Variants in CREB5 observed in about 807,000 individuals in gnomAD.
CREB5 encodes the protein cAMP responsive element binding protein 5.
In CREB5, 19 loss-of-function variants were observed where a neutral mutation model predicts 57.1. That is an observed-to-expected ratio of 0.33 (90% CI 0.23 to 0.49). The LOEUF (loss-of-function observed/expected upper bound fraction) is 0.49, where lower values mean the gene tolerates loss of function less well. Ranked by LOEUF, CREB5 falls within the 20% of genes least tolerant of loss-of-function variation. CREB5 has a pLI of 0.99. For synonymous variants in CREB5, 238 were observed against 238.3 expected, an observed-to-expected ratio of 1.00 and a Z score of 0.01; for missense variants, 579 against 671.6, an observed-to-expected ratio of 0.86 and a Z score of 1.52.
At chr7:28,302,457 T>C (rs1304292628) in intron 1 of CREB5, among the ~76,000 whole-genome samples, 1 of 152,236 alleles carries the variant, frequency 6.6e-6, no homozygotes, top group African/African-American at 2.4e-5. Context: ...TCAAACTACA[T>C]GGAACATAAT....
intron 1 of CREB5, among the ~76,000 whole-genome samples, chr7:28,346,566 G>A (rs1786062179): frequency 6.6e-6 from 1 of 152,254 alleles, no homozygotes; most frequent in African/African-American, 2.4e-5. Flanking sequence ...AAAGGCCTTA[G>A]CCAACTCCAT....
In CREB5 at chr7:28,770,333, A is replaced by G. The variant is rs554571342; in HGVS notation, c.703-33866A>G. 3.9e-5 allele frequency among the ~76,000 whole-genome samples: 6 copies of G among 152,324 alleles called. No individual in the cohort carries two copies. The East Asian group carries it at 1.2e-3, about 29-fold the overall frequency. On this transcript the variant is annotated intron_variant, in intron 7 of 10. Coordinates refer to ENST00000357727, the MANE Select transcript of CREB5 (RefSeq NM_182898.4). ...TGTAATACTGGAGCTTCTAGCTACT[A>G]GTAAGCTTAATCTCACCACTAGAGT...
intron 4 of CREB5, among the ~76,000 whole-genome samples, chr7:28,560,931 T>TGCGCGTGCGTGCGCGTGC (rs1467935536): frequency 2.1e-5 from 1 of 48,532 alleles, no homozygotes; most frequent in Non-Finnish European, 3.8e-5. Flanking sequence ...TGCGCGTGCG[T>TGCGCGTGCGTGCGCGTGC]GTGTGCGTGC....
chr7:28,449,926 G>A (rs1373056042), intron 1 of CREB5, among the ~76,000 whole-genome samples: 1 of 152,028 alleles, frequency 6.6e-6, no homozygotes, highest in African/African-American at 2.4e-5. Context: ...AAATAGTCAA[G>A]TACCACTGAG....
intron 5 of CREB5, among the ~76,000 whole-genome samples, chr7:28,658,989 A>ATATGT (rs1799480752): frequency 7.1e-6 from 1 of 141,382 alleles, no homozygotes; most frequent in Non-Finnish European, 1.6e-5. Context: ...ATGTATATAT[A>ATATGT]AGTCATAATT....
At chr7:28,676,772 A>G (rs144124324) in intron 5 of CREB5, among the ~76,000 whole-genome samples, 242 of 152,284 alleles carry the variant, frequency 1.6e-3, no homozygotes, top group Middle Eastern at 6.8e-3. Context: ...CTCCGTTACC[A>G]CTGGTATCCC....
intron 1 of CREB5, among the ~76,000 whole-genome samples, chr7:28,369,319 C>A (rs1289229511): frequency 6.6e-6 from 1 of 152,112 alleles, no homozygotes; most frequent in East Asian, 1.9e-4. Context: ...GCTTGGGTAA[C>A]CACTTGCAGC....
chr7:28,566,096 T>C (rs1463217391), intron 4 of CREB5, among the ~76,000 whole-genome samples: 1 of 152,222 alleles, frequency 6.6e-6, no homozygotes, highest in African/African-American at 2.4e-5. Flanking sequence ...CACTTATTTG[T>C]CAATTTTCCC....
chr7:28,450,946 C>G lies in CREB5; in HGVS notation c.4-37229C>G, dbSNP rs565068900. The stretch of plus-strand genomic sequence containing the variant: ...CCACCATTCTAGACCATTTGCAGGT[C>G]TAGAAGGAACTCTAGGTCTATAGAG... On this transcript the variant is annotated intron_variant, in intron 1 of 10. Transcript: ENST00000357727. Among the ~76,000 whole-genome samples, 4 of 152,256 alleles carry G rather than the reference C, an allele frequency of 2.6e-5. 1 individual carries two copies. In the South Asian group the frequency reaches 8.3e-4, roughly 32 times the overall value.
chr7:28,803,102 T>A (rs1808467904), intron 7 of CREB5, among the ~76,000 whole-genome samples: 1 of 152,190 alleles, frequency 6.6e-6, no homozygotes. Flanking sequence ...AGGTACAAGT[T>A]ATTTGTGTGC....
chr7:28,541,577 G>A (rs1272560579), intron 4 of CREB5, among the ~76,000 whole-genome samples: 1 of 152,178 alleles, frequency 6.6e-6, no homozygotes, highest in Non-Finnish European at 1.5e-5. Context: ...TGAGGGAGGA[G>A]AATCACTTGA....
chr7:28,779,379 T>A lies in CREB5; in HGVS notation c.703-24820T>A, dbSNP rs188580973. Among the ~76,000 whole-genome samples, 13 of 152,352 alleles carry A rather than the reference T, an allele frequency of 8.5e-5. No individual in the cohort carries two copies. The East Asian group carries it at 2.5e-3, about 29-fold the overall frequency. On this transcript the variant is annotated intron_variant, in intron 7 of 10. Transcript: ENST00000357727. ...TTGTTATCTTTGGATATTTATCAAC[T>A]GGAATTTTTGTTTCTGCACAGCCCT...
intron 5 of CREB5, among the ~76,000 whole-genome samples, chr7:28,706,287 AAG>A (rs1205693819): frequency 6.6e-6 from 1 of 152,172 alleles, no homozygotes; most frequent in Non-Finnish European, 1.5e-5. Flanking sequence ...ACCTGGGGGA[AAG>A]AGGTTGCAGT....
chr7:28,586,510 G>C (rs572490138), intron 5 of CREB5, among the ~76,000 whole-genome samples: 26 of 152,260 alleles, frequency 1.7e-4, no homozygotes, highest in African/African-American at 5.5e-4. Context: ...GTCTGACCTC[G>C]GGCTCTTTGC....
chr7:28,646,667 A>T (rs1798901411), intron 5 of CREB5, among the ~76,000 whole-genome samples: 1 of 152,218 alleles, frequency 6.6e-6, no homozygotes. Flanking sequence ...GAAATCGTCC[A>T]GAAAGGAAAG....
intron 4 of CREB5, among the ~76,000 whole-genome samples, chr7:28,546,074 C>A (rs541659012): frequency 2.4e-4 from 36 of 152,168 alleles, no homozygotes; most frequent in Middle Eastern, 3.2e-3. Flanking sequence ...CCTAGGCAAC[C>A]AGAATCTACT....
chr7:28,444,875 A>G (rs1417131371), intron 1 of CREB5, among the ~76,000 whole-genome samples: 2 of 152,170 alleles, frequency 1.3e-5, no homozygotes, highest in Admixed American at 1.3e-4. Flanking sequence ...GGGGTCATAA[A>G]TGTCATGAGT....
chr7:28,382,111 G>A (rs1284011464), intron 1 of CREB5, among the ~76,000 whole-genome samples: 2 of 152,186 alleles, frequency 1.3e-5, no homozygotes, highest in African/African-American at 2.4e-5. Flanking sequence ...AGAGTCCAAA[G>A]GCCAGGGATC....
chr7:28,405,817 A>G (rs372635598), intron 1 of CREB5, among the ~76,000 whole-genome samples: 31 of 151,996 alleles, frequency 2.0e-4, no homozygotes, highest in African/African-American at 7.0e-4. Context: ...CTGCCCATCT[A>G]TGAATTCATT....
Sources: gnomAD v4.1 joint callset for allele counts (sites outside exome capture counted in the v4.1 genomes callset) on GRCh38, gnomAD v4.1.1 for gene constraint, MANE v1.5 for transcripts, NCBI Gene and HGNC (gene_info 2026-07-23, HGNC 2026-07-21) for gene names.